RHOA: variants seen among roughly 807,000 people sequenced by gnomAD.
The protein encoded by RHOA is transforming protein RhoA.
Under a neutral mutation model 17.5 loss-of-function variants are expected in RHOA, and 3 were observed. The ratio of observed to expected loss-of-function variants is 0.17; its 90% CI spans 0.08 to 0.44. The LOEUF (loss-of-function observed/expected upper bound fraction) is 0.44, where lower values mean the gene tolerates loss of function less well. Ranked by LOEUF, RHOA falls within the 20% of genes least tolerant of loss-of-function variation. The pLI is 0.99. For missense variants in RHOA, 56 were observed against 242.3 expected (o/e 0.23, Z 5.10); for synonymous variants, 98 against 88.4 (o/e 1.11, Z -0.61).
At chr3:49,401,305 A>G (rs1284024915) in intron 1 of RHOA, among the ~76,000 whole-genome samples, 2 of 152,128 alleles carry the variant, frequency 1.3e-5, no homozygotes, top group African/African-American at 4.8e-5. Flanking sequence ...GACTGCTTGA[A>G]GCCAAGAGGT....
At chr3:49,400,656 G>C (rs983035834) in intron 1 of RHOA, among the ~76,000 whole-genome samples, 2 of 151,972 alleles carry the variant, frequency 1.3e-5, no homozygotes, top group African/African-American at 2.4e-5. Flanking sequence ...AGGAGTTCAA[G>C]GCTGCAGTGA....
At chr3:49,395,754 C>T (rs894040250) in intron 1 of RHOA, among the ~76,000 whole-genome samples, 10 of 143,314 alleles carry the variant, frequency 7.0e-5, no homozygotes, top group Admixed American at 1.4e-4. Flanking sequence ...TGGCAGGGCA[C>T]GAAAAGTGAT....
chr3:49,399,665 G>A (rs1298878257), intron 1 of RHOA, among the ~76,000 whole-genome samples: 2 of 151,362 alleles, frequency 1.3e-5, no homozygotes, highest in Non-Finnish European at 2.9e-5. Context: ...GACTCACTGC[G>A]GCCTAGAACT....
At chr3:49,361,488 A>G (rs763330424) in intron 4 of RHOA, among the ~76,000 whole-genome samples, 1 of 152,206 alleles carries the variant, frequency 6.6e-6, no homozygotes, top group Non-Finnish European at 1.5e-5. Context: ...AGGGCTTTCT[A>G]TCTGGACTCC....
intron 1 of RHOA, among the ~76,000 whole-genome samples, chr3:49,385,246 A>AT (rs2048377923): frequency 7.1e-6 from 1 of 140,916 alleles, no homozygotes; most frequent in African/African-American, 2.7e-5. Flanking sequence ...TCTGAGACAG[A>AT]GTCTTACTCT....
chr3:49,365,380 G>A (rs1358831122), intron 3 of RHOA, among the ~76,000 whole-genome samples: 5 of 151,812 alleles, frequency 3.3e-5, no homozygotes, highest in African/African-American at 1.2e-4. Context: ...CCTGACCTCA[G>A]GATCCACCCA....
chr3:49,402,587 T>C (rs1172807272), intron 1 of RHOA, among the ~76,000 whole-genome samples: 1 of 151,940 alleles, frequency 6.6e-6, no homozygotes, highest in Non-Finnish European at 1.5e-5. Flanking sequence ...GGCAGGAGTA[T>C]TACTTGGGCA....
chr3:49,387,651 A>G (rs1385971974), intron 1 of RHOA, among the ~76,000 whole-genome samples: 2 of 150,828 alleles, frequency 1.3e-5, no homozygotes, highest in African/African-American at 4.9e-5. Flanking sequence ...AGGCTGAGGT[A>G]GGAGAATGGT....
intron 1 of RHOA, among the ~76,000 whole-genome samples, chr3:49,406,087 CCA>C (rs559315229): frequency 6.6e-6 from 1 of 152,160 alleles, no homozygotes; most frequent in Non-Finnish European, 1.5e-5. Flanking sequence ...AAGAAATTTT[CCA>C]CACACACAAA....
intron 3 of RHOA, among the ~76,000 whole-genome samples, chr3:49,365,644 G>C (rs2048043537): frequency 6.9e-6 from 1 of 145,662 alleles, no homozygotes; most frequent in Non-Finnish European, 1.5e-5. Context: ...AGGCTGGAGT[G>C]CAGTGATGCG....
chr3:49,378,732 T>C (rs2048272510), intron 1 of RHOA, among the ~76,000 whole-genome samples: 1 of 152,144 alleles, frequency 6.6e-6, no homozygotes, highest in East Asian at 1.9e-4. Context: ...ACCTCTCCAG[T>C]AGCTGGGACT....
At chr3:49,407,873 T>C (rs937044807) in intron 1 of RHOA, among the ~76,000 whole-genome samples, 4 of 152,082 alleles carry the variant, frequency 2.6e-5, no homozygotes, top group African/African-American at 4.8e-5. Context: ...TAAATATGCT[T>C]AAATATGGCC....
intron 2 of RHOA, among the ~76,000 whole-genome samples, chr3:49,375,179 G>C (rs924081700): frequency 6.6e-6 from 1 of 151,814 alleles, no homozygotes; most frequent in Non-Finnish European, 1.5e-5. Context: ...AGAATCACTT[G>C]AACCTGGGAG....
intron 1 of RHOA, among the ~76,000 whole-genome samples, chr3:49,393,668 T>TTC (rs765605913): frequency 3.4e-5 from 1 of 29,640 alleles, no homozygotes; most frequent in African/African-American, 1.0e-4. Flanking sequence ...TTGTCTCAAA[T>TTC]TCTCTCTCTG....
intron 1 of RHOA, among the ~76,000 whole-genome samples, chr3:49,384,624 A>G (rs1182307520): frequency 6.6e-6 from 1 of 151,840 alleles, no homozygotes; most frequent in Non-Finnish European, 1.5e-5. Flanking sequence ...CTCCCACTTC[A>G]GTCTCCCAAG....
At chr3:49,396,966 C>T (rs1029712416) in intron 1 of RHOA, among the ~76,000 whole-genome samples, 3 of 151,638 alleles carry the variant, frequency 2.0e-5, no homozygotes, top group Non-Finnish European at 2.9e-5. Flanking sequence ...CTTGTCTCTA[C>T]AAAAAATAAA....
At chr3:49,374,227 T>G (rs1476942585) in intron 2 of RHOA, among the ~76,000 whole-genome samples, 2 of 152,118 alleles carry the variant, frequency 1.3e-5, no homozygotes, top group Admixed American at 1.3e-4. Context: ...TGGACACCTG[T>G]AGTCCCAGCT....
chr3:49,380,709 AT>A lies in RHOA; in HGVS notation c.-2-5119del, dbSNP rs1399032360. On this transcript the variant is annotated intron_variant, in intron 1 of 4. Coordinates refer to ENST00000418115, the MANE Select transcript of RHOA (RefSeq NM_001664.4). ...AATAATAATAATAATAATAATAATAATAATAATAATAAATACTCATTATCAA... is the reference window on the plus strand; with the variant it reads ...AATAATAATAATAATAATAATAATAAAATAATAATAAATACTCATTATCAA... Among the ~76,000 whole-genome samples the A allele has an allele frequency of 7.5e-5, 11 of 146,964 alleles. No individual in the cohort carries two copies. In the South Asian group the frequency reaches 1.1e-3, roughly 14 times the overall value.
chr3:49,396,912 T>C, intron 1 of RHOA, among the ~76,000 whole-genome samples: 1 of 152,210 alleles, frequency 6.6e-6, no homozygotes, highest in East Asian at 1.9e-4. Flanking sequence ...GGAGGATCAC[T>C]TGAGCCCAGG....
Sources: allele counts gnomAD v4.1 joint callset (sites outside exome capture counted in the v4.1 genomes callset), GRCh38; gene constraint gnomAD v4.1.1; transcripts MANE v1.5; gene names NCBI Gene and HGNC (gene_info 2026-07-23, HGNC 2026-07-21).